Variants in GRM4 observed in about 807,000 individuals in gnomAD.
GRM4 encodes metabotropic glutamate receptor 4.
Under a neutral mutation model 81.7 loss-of-function variants are expected in GRM4, and 28 were observed. The ratio of observed to expected loss-of-function variants is 0.34; its 90% confidence interval spans 0.25 to 0.47. The LOEUF is 0.47. Among genes scored for constraint, GRM4 ranks in the 20% least tolerant of loss-of-function variants. The probability of loss-of-function intolerance (pLI) is 1.00; values close to 1 mark genes in which losing one functional copy is unlikely to be tolerated. For synonymous variants in GRM4, 488 were observed against 528.8 expected (o/e 0.92, Z 1.06); for missense variants, 948 against 1,290.0 (o/e 0.73, Z 4.06).
Position 34,022,684 on chromosome 6 carries a change from G to C in GRM4, c.*137C>G, listed in dbSNP as rs1022438518. 1.4e-6 allele frequency: 1 copy of C among 739,886 alleles called. No homozygotes were observed. The highest frequency in any genetic ancestry group is 2.3e-6 in the Non-Finnish European group (1 of 426,556). 45.8% of individuals were successfully genotyped at this position (739,886 alleles called of 1,614,324 possible). ...GCCAGCAGTGATGGCTGGGGGCTCT[G>C]CTATCCTCAGCACCAAGCCACGTCC... On this transcript the variant is annotated 3_prime_UTR_variant, in exon 11 of 11. Coordinates refer to ENST00000538487, the MANE Select transcript of GRM4 (RefSeq NM_000841.4). The surrounding 1 kb of genome is among the most constrained non-coding windows in gnomAD (Gnocchi z 5.6).
intron 10 of GRM4, among the ~76,000 whole-genome samples, chr6:34,025,587 C>G (rs1764095070): frequency 6.6e-6 from 1 of 152,160 alleles, no homozygotes; most frequent in African/African-American, 2.4e-5. Flanking sequence ...CTGGGGAGCT[C>G]TTCACCCAAG....
chr6:34,041,666 G>A (rs1427327336), intron 6 of GRM4, among the ~76,000 whole-genome samples: 1 of 152,158 alleles, frequency 6.6e-6, no homozygotes, highest in Non-Finnish European at 1.5e-5. Flanking sequence ...GCCAGCAGAT[G>A]GCTCGTCCAC....
At chr6:34,149,193 T>C (rs933963673), upstream of GRM4, among the ~76,000 whole-genome samples, 2 of 152,104 alleles carry the variant, frequency 1.3e-5, no homozygotes, top group African/African-American at 4.8e-5. Flanking sequence ...TTGAAAATCC[T>C]GACCTTTAGG....
chr6:34,102,954 T>C (rs777621232), intron 2 of GRM4, among the ~76,000 whole-genome samples: 23 of 152,312 alleles, frequency 1.5e-4, no homozygotes, highest in South Asian at 4.1e-4. Flanking sequence ...CACTCTGCAG[T>C]AAGTGGGCCA....
chr6:34,057,548 T>C (rs927642079), intron 5 of GRM4, among the ~76,000 whole-genome samples: 1 of 152,200 alleles, frequency 6.6e-6, no homozygotes, highest in African/African-American at 2.4e-5. Flanking sequence ...CGTACGATAC[T>C]GAGCAGTACC....
At chr6:34,145,319 G>A (rs1286085521) in intron 1 of GRM4, among the ~76,000 whole-genome samples, 1 of 151,998 alleles carries the variant, frequency 6.6e-6, no homozygotes, top group African/African-American at 2.4e-5. Context: ...AGCGCGCGGC[G>A]TTCGGCTGCT....
At chr6:34,075,523 G>A (rs1164504366) in intron 3 of GRM4, among the ~76,000 whole-genome samples, 1 of 152,156 alleles carries the variant, frequency 6.6e-6, no homozygotes, top group Non-Finnish European at 1.5e-5. Flanking sequence ...TGCAGTGGAA[G>A]CTCATCGTGC....
chr6:34,075,900 G>A (rs1767287825), intron 3 of GRM4, among the ~76,000 whole-genome samples: 1 of 152,206 alleles, frequency 6.6e-6, no homozygotes, highest in Non-Finnish European at 1.5e-5. Flanking sequence ...AATGAACCTA[G>A]TTTCTGACAA....
At chr6:34,041,253 C>T (rs1392105027) in intron 6 of GRM4, among the ~76,000 whole-genome samples, 1 of 152,164 alleles carries the variant, frequency 6.6e-6, no homozygotes, top group Non-Finnish European at 1.5e-5. Flanking sequence ...GTTGCCCTCA[C>T]CCCAGGGTAT....
intron 6 of GRM4, among the ~76,000 whole-genome samples, chr6:34,046,826 G>A (rs1765385803): frequency 6.6e-6 from 1 of 152,216 alleles, no homozygotes; most frequent in African/African-American, 2.4e-5. Flanking sequence ...CAGAGCTGTG[G>A]GAAGGTGAGG....
exon 1 of GRM4, chr6:34,155,456 C>T: frequency 1.9e-6 from 2 of 1,034,658 alleles, no homozygotes; most frequent in South Asian, 3.4e-5. Context: ...AACCTCGACG[C>T]ACATTGGAGT....
chr6:34,038,272 T>A (rs2451384), intron 8 of GRM4, among the ~76,000 whole-genome samples: 56,419 of 152,210 alleles, frequency 0.37, 13,957 homozygotes, highest in African/African-American at 0.71. Flanking sequence ...TCTCATCTGA[T>A]CCAATGAAAG....
At chr6:34,040,365 G>A (rs780734023) in intron 7 of GRM4, 51 bp from the exon 8 acceptor site, 20 of 1,595,528 alleles carry the variant, frequency 1.3e-5, no homozygotes, top group South Asian at 4.4e-5. Flanking sequence ...GAGGCAGGGC[G>A]GATGATGAGC....
rs1460108978 is a variant in GRM4 at position 34,064,105 on chromosome 6, G to C, written c.737-2077C>G. Among the ~76,000 whole-genome samples the C allele has an allele frequency of 6.6e-6, 1 of 152,166 alleles. No homozygotes were observed. Among genetic ancestry groups the C allele is most frequent in the African/African-American group, 2.4e-5 (1 of 41,430 alleles). ...TTAGGTGACCACGGCTCAGTCAGCGGGAGTGTGAGTGAGCCACAAGCAACT... is the reference window on the plus strand; with the variant it reads ...TTAGGTGACCACGGCTCAGTCAGCGCGAGTGTGAGTGAGCCACAAGCAACT... On this transcript the variant is annotated intron_variant, in intron 3 of 10. Transcript: ENST00000538487. This position sits in a 1 kb window ranked among gnomAD's most constrained non-coding sequence, Gnocchi z 4.4.
intron 1 of GRM4, among the ~76,000 whole-genome samples, chr6:34,140,863 G>A (rs961913918): frequency 6.6e-6 from 1 of 152,168 alleles, no homozygotes; most frequent in Non-Finnish European, 1.5e-5. Context: ...GGAAAGCAGG[G>A]GCCACTGGCT....
intron 3 of GRM4, among the ~76,000 whole-genome samples, chr6:34,072,404 CTT>C (rs1766965734): frequency 7.0e-6 from 1 of 142,348 alleles, no homozygotes; most frequent in Non-Finnish European, 1.5e-5. Flanking sequence ...CACACACACC[CTT>C]ACATCACCAC....
At chr6:34,122,728 T>TTGTCTGTCTGTCTGTCTGTCTGTC (rs370079388) in intron 2 of GRM4, among the ~76,000 whole-genome samples, 23 of 150,664 alleles carry the variant, frequency 1.5e-4, no homozygotes, top group African/African-American at 5.2e-4. Context: ...CTTCCCCGGT[T>TTGTCTGTCTGTCTGTCTGTCTGTC]TGTCTGTCTG....
rs984852037 is a variant in GRM4, at chr6:34,121,615, G to A, written c.519+11363C>T. ...GAGACCAGGAGCAGGCAGCACCTTC[G>A]AGGCAGATCCCCGCTCAGGGCACCT... On this transcript the variant is annotated intron_variant, in intron 2 of 10. Transcript: ENST00000538487. This position sits in a 1 kb window ranked among gnomAD's most constrained non-coding sequence, Gnocchi z 4.6. Among the ~76,000 whole-genome samples the A allele has an allele frequency of 1.6e-4, 25 of 152,166 alleles. No individual in the cohort carries two copies. The highest frequency in any genetic ancestry group is 3.4e-4 in the Non-Finnish European group (23 of 68,030).
chr6:34,155,344 G>C lies in GRM4; in HGVS notation c.47C>G (p.Ala16Gly), dbSNP rs895932785. ...GAGGCGTAGAGGGGAGCAAGGAGGG[G>C]CGCGCCAGCCGCAGGAAGCTGCAAC... Residue 16 changes from alanine (A) to glycine (G), a missense_variant, in exon 1 of 9, where the codon GCC becomes GGC. Ala to Gly is a moderately conservative substitution (Grantham distance 60). Coordinates refer to the GRM4 transcript ENST00000374177. The C allele has an allele frequency of 6.6e-6, 10 of 1,511,390 alleles. No homozygotes were observed. The African/African-American group carries it at 1.4e-4, about 21-fold the overall frequency. 93.6% of individuals were successfully genotyped at this position (1,511,390 alleles called of 1,614,324 possible).
Sources: gnomAD v4.1 joint callset for allele counts (sites outside exome capture counted in the v4.1 genomes callset) on GRCh38, gnomAD v4.1.1 for gene constraint, Gnocchi (gnomAD v3.1) non-coding constraint, MANE v1.5 for transcripts, NCBI Gene and HGNC (gene_info 2026-07-23, HGNC 2026-07-21) for gene names.